MARCHF1: variants seen among roughly 807,000 people sequenced by gnomAD.
The protein encoded by MARCHF1 is membrane associated ring-CH-type finger 1, also known as E3 ubiquitin-protein ligase MARCHF1.
MARCHF1 carries 40 observed loss-of-function variants against 54.2 expected under a neutral mutation model. The ratio of observed to expected loss-of-function variants is 0.74; its 90% CI spans 0.57 to 0.96. The LOEUF is 0.96. Ranked by LOEUF, MARCHF1 falls within the 40% of genes least tolerant of loss-of-function variation. The pLI is 0.00. For missense variants in MARCHF1, 586 were observed against 656.5 expected, an observed-to-expected ratio of 0.89 and a Z score of 1.17; for synonymous variants, 236 against 236.3, an observed-to-expected ratio of 1.00 and a Z score of 0.01.
chr4:163,630,152 C>T (rs1742021863), intron 5 of MARCHF1, among the ~76,000 whole-genome samples: 1 of 152,090 alleles, frequency 6.6e-6, no homozygotes, highest in Admixed American at 6.5e-5. Flanking sequence ...TTATAGATGG[C>T]AGTTTATTTA....
chr4:163,559,779 A>C (rs1391387986), intron 8 of MARCHF1, among the ~76,000 whole-genome samples: 1 of 152,126 alleles, frequency 6.6e-6, no homozygotes, highest in Non-Finnish European at 1.5e-5. Context: ...TCCTTGCCAC[A>C]GTTTCTCTCT....
intron 1 of MARCHF1, among the ~76,000 whole-genome samples, chr4:164,285,511 C>T (rs532455670): frequency 1.6e-4 from 24 of 152,132 alleles, no homozygotes; most frequent in African/African-American, 5.8e-4. Context: ...GGCGCGATCT[C>T]GGCTCACGGC....
chr4:164,356,642 T>C (rs1189008615), intron 1 of MARCHF1, among the ~76,000 whole-genome samples: 1 of 142,354 alleles, frequency 7.0e-6, no homozygotes, highest in African/African-American at 2.6e-5. Context: ...AGGGTTAGCA[T>C]TGGGAGATAT....
At chr4:163,619,277 A>G (rs574763828) in intron 5 of MARCHF1, among the ~76,000 whole-genome samples, 3 of 152,278 alleles carry the variant, frequency 2.0e-5, no homozygotes, top group Admixed American at 2.0e-4. Flanking sequence ...TGGAAGGTTC[A>G]GGGTTGTCTG....
intron 3 of MARCHF1, among the ~76,000 whole-genome samples, chr4:163,885,599 G>T (rs1750512624): frequency 6.6e-6 from 1 of 151,996 alleles, no homozygotes; most frequent in Non-Finnish European, 1.5e-5. Context: ...ACATCTAGGT[G>T]CTTTGGGCCT....
At chr4:163,895,166 TATAACA>T (rs1460451753) in intron 3 of MARCHF1, among the ~76,000 whole-genome samples, 1 of 152,178 alleles carries the variant, frequency 6.6e-6, no homozygotes, top group Non-Finnish European at 1.5e-5. Context: ...CGTATGTGTG[TATAACA>T]ATGCACTTGC....
chr4:163,767,684 T>A (rs1299483226), intron 4 of MARCHF1, among the ~76,000 whole-genome samples: 1 of 152,150 alleles, frequency 6.6e-6, no homozygotes, highest in Non-Finnish European at 1.5e-5. Flanking sequence ...TGCTGGCTTT[T>A]TCCGCCTTAT....
chr4:164,216,476 A>T (rs1731933240), intron 1 of MARCHF1, among the ~76,000 whole-genome samples: 1 of 152,228 alleles, frequency 6.6e-6, no homozygotes, highest in Non-Finnish European at 1.5e-5. Context: ...AAAGAAAAAA[A>T]TATGCTTTAC....
chr4:163,753,540 T>TG (rs1025624463), intron 4 of MARCHF1, among the ~76,000 whole-genome samples: 1 of 151,942 alleles, frequency 6.6e-6, no homozygotes, highest in Non-Finnish European at 1.5e-5. Flanking sequence ...AAACCTGGGA[T>TG]GGGGGGTGAG....
chr4:163,536,949 C>A (rs1738556876), intron 9 of MARCHF1, among the ~76,000 whole-genome samples: 1 of 152,164 alleles, frequency 6.6e-6, no homozygotes, highest in Non-Finnish European at 1.5e-5. Flanking sequence ...TCCCCACATA[C>A]AAAAGCCATC....
chr4:163,611,495 C>T (rs1741339078), intron 7 of MARCHF1, among the ~76,000 whole-genome samples: 2 of 152,132 alleles, frequency 1.3e-5, no homozygotes, highest in East Asian at 1.9e-4. Context: ...ATCTAAACAG[C>T]TTAAATGATT....
At chr4:163,972,498 T>C (rs913600438) in intron 3 of MARCHF1, among the ~76,000 whole-genome samples, 3 of 152,198 alleles carry the variant, frequency 2.0e-5, no homozygotes, top group East Asian at 1.9e-4. Context: ...TATTTATTTA[T>C]ATGCAAGGTA....
intron 1 of MARCHF1, among the ~76,000 whole-genome samples, chr4:164,321,462 G>A (rs542662532): frequency 4.7e-5 from 7 of 149,836 alleles, no homozygotes; most frequent in African/African-American, 1.7e-4. Flanking sequence ...ATACATCCTG[G>A]CAACATGCCT....
chr4:164,020,248 T>C (rs1753632321), intron 2 of MARCHF1, among the ~76,000 whole-genome samples: 1 of 152,214 alleles, frequency 6.6e-6, no homozygotes, highest in African/African-American at 2.4e-5. Flanking sequence ...CAATTTCATT[T>C]GTCTAGAGCT....
intron 3 of MARCHF1, among the ~76,000 whole-genome samples, chr4:163,877,937 CA>C (rs1750329151): frequency 6.6e-6 from 1 of 152,158 alleles, no homozygotes; most frequent in African/African-American, 2.4e-5. Flanking sequence ...AGCATGCAAA[CA>C]TGGAAGTGAA....
intron 1 of MARCHF1, among the ~76,000 whole-genome samples, chr4:164,207,404 G>A (rs1022826206): frequency 6.6e-6 from 1 of 152,178 alleles, no homozygotes; most frequent in African/African-American, 2.4e-5. Context: ...AGTGAATCCA[G>A]ATGGGAAGAA....
At chr4:163,754,626 A>C (rs950500186) in intron 4 of MARCHF1, among the ~76,000 whole-genome samples, 2 of 152,160 alleles carry the variant, frequency 1.3e-5, no homozygotes, top group South Asian at 4.1e-4. Flanking sequence ...TTTTTGCACC[A>C]TCCATTCTTC....
chr4:163,897,827 C>T (rs1238214293), intron 3 of MARCHF1, among the ~76,000 whole-genome samples: 6 of 151,752 alleles, frequency 4.0e-5, no homozygotes, highest in East Asian at 3.9e-4. Flanking sequence ...GAGGCCGAGG[C>T]GGGTGGATCA....
At chr4:163,555,770 A>G in intron 8 of MARCHF1, 1 of 309,014 alleles carries the variant, frequency 3.2e-6, no homozygotes, top group Non-Finnish European at 6.7e-6. Context: ...ACCCTTGCCG[A>G]GCGGACTCTT....
Sources: allele counts gnomAD v4.1 joint callset (sites outside exome capture counted in the v4.1 genomes callset), GRCh38; gene constraint gnomAD v4.1.1; transcripts MANE v1.5; gene names NCBI Gene and HGNC (gene_info 2026-07-23, HGNC 2026-07-21).